The following ABCA10 variants were observed in gnomAD, a reference collection of about 807,000 sequenced individuals.
The protein encoded by ABCA10 is ATP binding cassette subfamily A member 10.
A neutral mutation model predicts 187.5 loss-of-function variants in ABCA10; 169 were observed. The ratio of observed to expected loss-of-function variants is 0.90; its 90% CI spans 0.80 to 1.02. ABCA10 has a LOEUF of 1.02. Among genes scored for constraint, ABCA10 ranks in the 50% least tolerant of loss-of-function variants. The pLI is 0.00. For synonymous variants in ABCA10, 574 were observed against 601.8 expected (o/e 0.95, Z 0.68); for missense variants, 1,727 against 1,812.4 (o/e 0.95, Z 0.86).
At chr17:69,188,648 G>C (rs1051087714) in intron 18 of ABCA10, among the ~76,000 whole-genome samples, 1 of 151,572 alleles carries the variant, frequency 6.6e-6, no homozygotes, top group Non-Finnish European at 1.5e-5. Flanking sequence ...TGTCATCCAG[G>C]TAATCAGCAT....
Position 69,154,011 on chromosome 17 carries a change from T to C in ABCA10, c.3787-2A>G, listed in dbSNP as rs771427156. ...TGCTCTGCTGCCTTGTAACACCACC[T>C]GCACAAGACAATGAATGTCAGATTC... On this transcript the variant is annotated splice_acceptor_variant, in intron 31 of 38. Transcript: ENST00000690296. LOFTEE classifies it high-confidence loss of function. The C allele has an allele frequency of 6.2e-7, 1 of 1,611,736 alleles. No homozygotes were observed. The highest frequency in any genetic ancestry group is 8.5e-7 in the Non-Finnish European group (1 of 1,178,688).
rs765983317 is a variant in ABCA10, at chr17:69,193,814, C to T, written c.1521G>A (p.Glu507=). The change falls in exon 13 of 39, where the codon GAG becomes GAA. Residue 507 remains glutamate, a splice_region_variant and synonymous_variant. Coordinates refer to ENST00000690296, the MANE Select transcript of ABCA10 (RefSeq NM_001377321.1). ...KGIQPKEVEQ[E]VKRIIMELDM... ...CATCAATCTTAATGTGTTCCTGTAC[C>T]TCTTGTTCCACTTCCTTTGGCTGAA... 6.2e-7 allele frequency: 1 copy of T among 1,612,940 alleles called. No homozygotes were observed. The highest frequency in any genetic ancestry group is 8.5e-7 in the Non-Finnish European group (1 of 1,179,610).
intron 20 of ABCA10, among the ~76,000 whole-genome samples, chr17:69,185,243 T>C (rs1400662074): frequency 1.3e-5 from 2 of 152,024 alleles, no homozygotes; most frequent in African/African-American, 4.8e-5. Flanking sequence ...GAAATCACCA[T>C]TAAAGAACTT....
chr17:69,177,965 A>ATATATATATAT (rs1555659730), intron 22 of ABCA10, among the ~76,000 whole-genome samples: 17 of 125,302 alleles, frequency 1.4e-4, no homozygotes, highest in African/African-American at 4.6e-4. Context: ...CAAAAAAAAA[A>ATATATATATAT]AAAAAAAAAT....
At chr17:69,152,287 TCA>T in intron 35 of ABCA10, 73 bp downstream of exon 35, 1 of 1,577,620 alleles carries the variant, frequency 6.3e-7, no homozygotes, top group Non-Finnish European at 8.6e-7. Context: ...CTGTAGAGCA[TCA>T]GCTGTTCATA....
At chr17:69,152,882 T>A (rs1427642839) in intron 34 of ABCA10, among the ~76,000 whole-genome samples, 1 of 152,136 alleles carries the variant, frequency 6.6e-6, no homozygotes, top group Non-Finnish European at 1.5e-5. Flanking sequence ...GAAATTGTGT[T>A]ATATTGCCTA....
In ABCA10 at chr17:69,166,534, C is replaced by T. The variant is rs1118165; in HGVS notation, c.3163-1451G>A. On this transcript the variant is annotated intron_variant, in intron 25 of 38. Transcript: ENST00000690296. ...CACTTTTTTTGAAATACTTTGAAAT[C>T]TCACATTGATGATCCAACTTTTATA... 7.3e-3 allele frequency among the ~76,000 whole-genome samples: 1,109 copies of T among 152,246 alleles called. 11 individuals are homozygous for T. The highest frequency in any genetic ancestry group is 0.026 in the African/African-American group (1,063 of 41,530).
chr17:69,185,518 G>C lies in ABCA10; in HGVS notation c.2456C>G (p.Pro819Arg). ...SMYFLSLEQI[P>R]KTPLTSLLIV... is the part of the protein sequence containing the mutation. ...TAACAGGCTGGTAAGAGGCGTCTTCGGGATTTGTTCCAGAGAAAGGAAATA... is the reference window on the plus strand; with the variant it reads ...TAACAGGCTGGTAAGAGGCGTCTTCCGGATTTGTTCCAGAGAAAGGAAATA... The change falls in exon 20 of 39, where the codon CCG (proline) becomes CGG (arginine). Residue 819 changes from proline (P) to arginine (R), a missense_variant. Pro to Arg is a moderately radical substitution (Grantham distance 103, BLOSUM62 -2). Coordinates refer to ENST00000690296, the MANE Select transcript of ABCA10 (RefSeq NM_001377321.1). 1 of 1,613,376 alleles carries C rather than the reference G, an allele frequency of 6.2e-7. No individual in the cohort carries two copies. The highest frequency in any genetic ancestry group is 2.2e-5 in the East Asian group (1 of 44,846).
chr17:69,193,695 T>A (rs2144805730), intron 13 of ABCA10, 83 bp from the exon 14 acceptor site: 1 of 1,547,696 alleles, frequency 6.5e-7, no homozygotes, highest in East Asian at 2.3e-5. Context: ...AAGGATTTAG[T>A]CTAGAACTTC....
At chr17:69,185,708 G>C in intron 19 of ABCA10, 65 bp from the exon 20 acceptor site, 1 of 1,354,718 alleles carries the variant, frequency 7.4e-7, no homozygotes, top group Non-Finnish European at 1.0e-6. Context: ...AAGTCACAAA[G>C]ATGCTATATA....
intron 8 of ABCA10, 28 bp from the exon 9 acceptor site, chr17:69,214,879 T>A: frequency 1.4e-6 from 2 of 1,433,364 alleles, no homozygotes. Context: ...AAATAAAATG[T>A]TAGATGAACT....
At position 69,159,376 on chromosome 17, in the gene ABCA10, ATT is replaced by A. The variant is rs557056903; in HGVS notation, c.3364-2455_3364-2454del. Among the ~76,000 whole-genome samples the A allele has an allele frequency of 3.6e-3, 552 of 152,080 alleles. 4 individuals are homozygous for A. Among genetic ancestry groups the A allele is most frequent in the African/African-American group, 0.013 (533 of 41,526 alleles). Reference sequence around the variant, plus strand: ...ATAGGGGAGAGAGAAAGAACAGAAAATTTTTTTTAAGAAATGATGGCCCAAAA... The same window carrying A: ...ATAGGGGAGAGAGAAAGAACAGAAAATTTTTTAAGAAATGATGGCCCAAAA... On this transcript the variant is annotated intron_variant, in intron 27 of 38. Transcript: ENST00000690296.
chr17:69,167,666 G>C (rs527981429), intron 25 of ABCA10, among the ~76,000 whole-genome samples: 2 of 152,198 alleles, frequency 1.3e-5, no homozygotes, highest in Non-Finnish European at 2.9e-5. Context: ...TGATGAGAAA[G>C]AAGATGTAGA....
chr17:69,242,741 C>A (rs1324014250), intron 1 of ABCA10, among the ~76,000 whole-genome samples: 1 of 152,164 alleles, frequency 6.6e-6, no homozygotes, highest in African/African-American at 2.4e-5. Context: ...GCCACTGCAC[C>A]CGGTCTGAGG....
intron 5 of ABCA10, among the ~76,000 whole-genome samples, chr17:69,220,256 G>C (rs1385725297): frequency 1.3e-5 from 2 of 152,058 alleles, no homozygotes; most frequent in Non-Finnish European, 2.9e-5. Context: ...GGGTGGTTGA[G>C]GATGGAGAAG....
chr17:69,175,572 A>T, intron 22 of ABCA10, 59 bp from the exon 23 acceptor site: 1 of 1,304,058 alleles, frequency 7.7e-7, no homozygotes, highest in South Asian at 1.4e-5. Flanking sequence ...TACAAACATT[A>T]TAAGATACGT....
At chr17:69,164,789 T>C (rs2074243186) in intron 26 of ABCA10, among the ~76,000 whole-genome samples, 175 bp downstream of exon 26, 1 of 152,150 alleles carries the variant, frequency 6.6e-6, no homozygotes, top group Non-Finnish European at 1.5e-5. Flanking sequence ...TGAATAGTGA[T>C]CTCAGCAAAT....
intron 25 of ABCA10, among the ~76,000 whole-genome samples, chr17:69,171,934 CAAAAAA>C (rs555588771): frequency 1.6e-4 from 13 of 80,260 alleles, no homozygotes; most frequent in African/African-American, 5.4e-4. Context: ...TTTGGGAAGC[CAAAAAA>C]AAAAAAAAAA....
chr17:69,221,684 C>T, intron 5 of ABCA10, 108 bp downstream of exon 5: 3 of 974,812 alleles, frequency 3.1e-6, no homozygotes, highest in Non-Finnish European at 4.4e-6. Context: ...GGATGACAGG[C>T]AAAGTATCAC....
Sources: allele counts gnomAD v4.1 joint callset (sites outside exome capture counted in the v4.1 genomes callset), GRCh38; gene constraint gnomAD v4.1.1; transcripts MANE v1.5; gene names NCBI Gene and HGNC (gene_info 2026-07-23, HGNC 2026-07-21).